ZBBX: variants seen among roughly 807,000 people sequenced by gnomAD.
The protein encoded by ZBBX is zinc finger B-box domain containing.
In ZBBX, 101 loss-of-function variants were observed where a neutral mutation model predicts 108.5. The observed-to-expected ratio is 0.93, with a 90% CI of 0.79 to 1.10. ZBBX has a LOEUF of 1.10. Among genes scored for constraint, ZBBX ranks in the 50% least tolerant of loss-of-function variants. The pLI, the probability that ZBBX is intolerant of heterozygous loss-of-function variation, is 0.00. For synonymous variants in ZBBX, 356 were observed against 323.4 expected, an observed-to-expected ratio of 1.10 and a Z score of -1.08; for missense variants, 1,009 against 941.4, an observed-to-expected ratio of 1.07 and a Z score of -0.94.
At chr3:167,355,506 A>G (rs1743410225) in intron 8 of ZBBX, among the ~76,000 whole-genome samples, 1 of 151,776 alleles carries the variant, frequency 6.6e-6, no homozygotes, top group South Asian at 2.1e-4. Context: ...CCCATACACA[A>G]TTTTCCCTGG....
At chr3:167,296,236 T>TA (rs1731668806) in intron 18 of ZBBX, among the ~76,000 whole-genome samples, 1 of 151,882 alleles carries the variant, frequency 6.6e-6, no homozygotes, top group South Asian at 2.1e-4. Flanking sequence ...AAACTAGGAA[T>TA]AAAAGGGAAA....
intron 6 of ZBBX, 39 bp from the exon 7 acceptor site, chr3:167,360,762 TTA>T: frequency 7.8e-7 from 1 of 1,287,310 alleles, no homozygotes; most frequent in Non-Finnish European, 1.0e-6. Context: ...CAGGTATATA[TTA>T]TCTTATTCAA....
At chr3:167,372,097 G>A (rs756883681) in intron 4 of ZBBX, among the ~76,000 whole-genome samples, 1 of 152,156 alleles carries the variant, frequency 6.6e-6, no homozygotes, top group Non-Finnish European at 1.5e-5. Context: ...TGTAATCCCA[G>A]CTACTCCGGT....
At chr3:167,219,067 G>T in the ZBBX span, among the ~76,000 whole-genome samples, 2 of 151,822 alleles carry the variant, frequency 1.3e-5, no homozygotes, top group Non-Finnish European at 2.9e-5. Flanking sequence ...ATGATGAAGG[G>T]GTCAATACAG....
At chr3:167,251,010 C>T (rs998355242) in intron 20 of ZBBX, among the ~76,000 whole-genome samples, 15 of 152,112 alleles carry the variant, frequency 9.9e-5, no homozygotes, top group African/African-American at 3.1e-4. Flanking sequence ...AGCGAGAGGA[C>T]GTTGAGGCAG....
intron 20 of ZBBX, among the ~76,000 whole-genome samples, chr3:167,263,715 A>G (rs912343777): frequency 6.6e-6 from 1 of 152,222 alleles, no homozygotes; most frequent in African/African-American, 2.4e-5. Flanking sequence ...AATGTTCTGT[A>G]AATATCTATT....
Position 167,298,393 on chromosome 3 carries a change from G to A in ZBBX, c.1791C>T (p.Phe597=), listed in dbSNP as rs1177712589. The part of the protein sequence containing the change: ...ITKQYQGLER[F]FIFDTNERLN... ...GTCTTTCATTTGTATCAAAAATAAAGAATCTCTCAAGTCCTTGATATTGTT... is the reference window on the plus strand; with the variant it reads ...GTCTTTCATTTGTATCAAAAATAAAAAATCTCTCAAGTCCTTGATATTGTT... The change falls in exon 18 of 22, where the codon TTC becomes TTT. Residue 597 remains phenylalanine, a synonymous_variant. Transcript: ENST00000675490. The A allele has an allele frequency of 3.1e-6, 5 of 1,596,974 alleles. No individual in the cohort carries two copies. Among genetic ancestry groups the A allele is most frequent in the South Asian group, 1.1e-5 (1 of 87,860 alleles).
At chr3:167,326,878 T>A (rs1165821596) in intron 11 of ZBBX, among the ~76,000 whole-genome samples, 1 of 151,942 alleles carries the variant, frequency 6.6e-6, no homozygotes, top group African/African-American at 2.4e-5. Context: ...AAAAGTGTAA[T>A]AGTCAGAAGA....
intron 11 of ZBBX, among the ~76,000 whole-genome samples, chr3:167,324,067 A>C (rs1169714205): frequency 6.6e-6 from 1 of 152,190 alleles, no homozygotes; most frequent in Non-Finnish European, 1.5e-5. Flanking sequence ...AATAAGAGAT[A>C]CACAAAATCA....
chr3:167,371,842 C>A (rs1421872526), intron 4 of ZBBX, among the ~76,000 whole-genome samples: 1 of 152,076 alleles, frequency 6.6e-6, no homozygotes, highest in East Asian at 1.9e-4. Flanking sequence ...GTGAAGAGAG[C>A]ATTAGAATAG....
the ZBBX span, among the ~76,000 whole-genome samples, chr3:167,185,303 C>A: frequency 6.6e-6 from 1 of 152,044 alleles, no homozygotes; most frequent in Non-Finnish European, 1.5e-5. Flanking sequence ...AGTTATATAA[C>A]ATCCTTTCGG....
chr3:167,294,491 A>G (rs1239752734), intron 18 of ZBBX, among the ~76,000 whole-genome samples: 1 of 152,260 alleles, frequency 6.6e-6, no homozygotes, highest in Admixed American at 6.5e-5. Context: ...CTGGCTAGCC[A>G]TAGGCATAAA....
intron 17 of ZBBX, among the ~76,000 whole-genome samples, chr3:167,302,454 T>G (rs1732869063): frequency 6.6e-6 from 1 of 152,162 alleles, no homozygotes. Context: ...CTTAAATTTT[T>G]TTTTAAATTA....
At position 167,351,677 on chromosome 3, in the gene ZBBX, C is replaced by T. The variant is rs1342679361; in HGVS notation, c.433-1162G>A. On this transcript the variant is annotated intron_variant, in intron 8 of 21. Coordinates refer to ENST00000675490, the MANE Select transcript of ZBBX (RefSeq NM_001199201.2). ...GAATGGCTAGAATTCATGTGAAGTC[C>T]CATAGGCTTCCAAGTGCTGAGCAGC... is the stretch of plus-strand genomic sequence containing the variant. 3.9e-5 allele frequency among the ~76,000 whole-genome samples: 6 copies of T among 152,108 alleles called. No individual in the cohort carries two copies. The East Asian group carries it at 9.6e-4, about 24-fold the overall frequency.
the ZBBX span, among the ~76,000 whole-genome samples, chr3:167,219,161 T>C: frequency 6.6e-6 from 1 of 151,834 alleles, no homozygotes; most frequent in African/African-American, 2.4e-5. Context: ...AACAGAGAAA[T>C]AGACCCCAAT....
intron 1 of ZBBX, among the ~76,000 whole-genome samples, chr3:167,405,027 A>T (rs1479942382): frequency 6.6e-6 from 1 of 152,192 alleles, no homozygotes; most frequent in East Asian, 1.9e-4. Flanking sequence ...ATAGGAAGAC[A>T]TCTAAAATTT....
At chr3:167,225,721 A>C in the ZBBX span, among the ~76,000 whole-genome samples, 1 of 151,780 alleles carries the variant, frequency 6.6e-6, no homozygotes, top group Admixed American at 6.6e-5. Flanking sequence ...GGTGCTCTGC[A>C]AGTCTTAAAC....
chr3:167,289,921 G>A (rs1576904113), intron 18 of ZBBX, among the ~76,000 whole-genome samples: 1 of 152,224 alleles, frequency 6.6e-6, no homozygotes, highest in South Asian at 2.1e-4. Flanking sequence ...TGCCATTACT[G>A]AGGCTTGAGA....
At chr3:167,179,871 A>G in the ZBBX span, among the ~76,000 whole-genome samples, 1 of 152,250 alleles carries the variant, frequency 6.6e-6, no homozygotes, top group Admixed American at 6.5e-5. Context: ...GGAAATGGTT[A>G]TCGAGAATAC....
Sources: gnomAD v4.1 joint callset for allele counts (sites outside exome capture counted in the v4.1 genomes callset) on GRCh38, gnomAD v4.1.1 for gene constraint, MANE v1.5 for transcripts, NCBI Gene and HGNC (gene_info 2026-07-23, HGNC 2026-07-21) for gene names.